The following CLSTN1 variants were observed in gnomAD, a reference collection of about 807,000 sequenced individuals.
CLSTN1 encodes calsyntenin-1.
CLSTN1 carries 28 observed loss-of-function variants against 108.3 expected under a neutral mutation model. The observed-to-expected ratio is 0.26, with a 90% confidence interval of 0.19 to 0.35. The LOEUF is 0.35. CLSTN1 is among the 10% of genes least tolerant of loss of function. The pLI is 1.00. For synonymous variants in CLSTN1, 524 were observed against 534.9 expected (o/e 0.98, Z 0.28); for missense variants, 1,157 against 1,302.6 (o/e 0.89, Z 1.72).
rs562537023 is a variant in CLSTN1, at chr1:9,776,639, G to A, written c.92-3245C>T. Among the ~76,000 whole-genome samples the A allele has an allele frequency of 3.3e-5, 5 of 152,178 alleles. No homozygotes were observed. In the South Asian group the frequency reaches 1.0e-3, roughly 32 times the overall value. ...CCTGTCCTTATCCCGGCACTTACTC[G>A]GCAGCCAGAGGGAAGCTTCTACAAC... On this transcript the variant is annotated intron_variant, in intron 1 of 18. Coordinates refer to ENST00000377298, the MANE Select transcript of CLSTN1 (RefSeq NM_001009566.3).
chr1:9,820,163 C>T (rs967240496), intron 1 of CLSTN1, among the ~76,000 whole-genome samples: 3 of 151,974 alleles, frequency 2.0e-5, no homozygotes, highest in Non-Finnish European at 4.4e-5. Flanking sequence ...GGTGAGCCAC[C>T]GAGGCTGGCC....
intron 2 of CLSTN1, among the ~76,000 whole-genome samples, chr1:9,758,010 G>T (rs547004873): frequency 2.0e-5 from 3 of 151,922 alleles, no homozygotes; most frequent in East Asian, 3.9e-4. Context: ...GTTTTGGGGG[G>T]GGGTGGGAAC....
At chr1:9,749,036 T>C (rs966161745) in intron 7 of CLSTN1, among the ~76,000 whole-genome samples, 1 of 152,008 alleles carries the variant, frequency 6.6e-6, no homozygotes, top group African/African-American at 2.4e-5. Context: ...CCCAAGTAAC[T>C]GGAACTACAG....
chr1:9,774,051 T>C (rs997185514), intron 1 of CLSTN1, among the ~76,000 whole-genome samples: 1 of 151,702 alleles, frequency 6.6e-6, no homozygotes, highest in Non-Finnish European at 1.5e-5. Flanking sequence ...CCCAGTATTA[T>C]TATTATTTTT....
At position 9,735,989 on chromosome 1, in the gene CLSTN1, G is replaced by A. The variant is rs1210563815; in HGVS notation, c.1630C>T (p.Leu544Phe). The A allele has an allele frequency of 1.2e-6, 2 of 1,614,218 alleles. No individual in the cohort carries two copies. Among genetic ancestry groups the A allele is most frequent in the Non-Finnish European group, 1.7e-6 (2 of 1,180,046 alleles). Reference protein sequence around the residue: ...FFRGNLAGLTLRSGKLADKKV... With the variant: ...FFRGNLAGLTFRSGKLADKKV... ...TTATCCGCGAGTTTCCCGGAACGGA[G>A]AGTTAAGCCAGCCAGATTGCCTCGG... Residue 544 changes from leucine (L) to phenylalanine (F), a missense_variant, in exon 12 of 19, where the codon CTC becomes TTC. Transcript: ENST00000377298.
chr1:9,795,924 C>G (rs916787393), intron 1 of CLSTN1, among the ~76,000 whole-genome samples: 1 of 148,498 alleles, frequency 6.7e-6, no homozygotes, highest in Non-Finnish European at 1.5e-5. Context: ...TACTGCACTC[C>G]AGCGTGAGCA....
chr1:9,752,878 A>C (rs961468558), intron 4 of CLSTN1, among the ~76,000 whole-genome samples: 1 of 152,118 alleles, frequency 6.6e-6, no homozygotes, highest in African/African-American at 2.4e-5. Flanking sequence ...TAAGTAAATA[A>C]ATAAATAAAT....
intron 2 of CLSTN1, among the ~76,000 whole-genome samples, chr1:9,758,565 C>G (rs771312773): frequency 4.7e-4 from 71 of 152,160 alleles, no homozygotes; most frequent in Non-Finnish European, 7.2e-4. Flanking sequence ...CCGCCCGCCT[C>G]CGCCTCCCAA....
At position 9,756,549 on chromosome 1, in the gene CLSTN1, G is replaced by GA. The variant is rs747036585; in HGVS notation, c.215-40dup. On this transcript the variant is annotated intron_variant, in intron 2 of 18. Transcript: ENST00000377298. The stretch of plus-strand genomic sequence containing the variant: ...AGATAAGCCCATGTCAGTAATACAG[G>GA]AAAGAATGAAGATGGAATACACTAA... The GA allele has an allele frequency of 4.4e-5, 69 of 1,585,066 alleles. No homozygotes were observed. In the Admixed American group the frequency reaches 1.1e-3, roughly 26 times the overall value.
At chr1:9,749,741 G>A (rs766039309) in intron 6 of CLSTN1, 23 bp downstream of exon 6, 35 of 1,613,250 alleles carry the variant, frequency 2.2e-5, no homozygotes, top group South Asian at 8.8e-5. Flanking sequence ...AGATGTGAGC[G>A]CAGGGGAGAG....
intron 10 of CLSTN1, among the ~76,000 whole-genome samples, chr1:9,739,912 G>A (rs1344177425): frequency 6.6e-6 from 1 of 151,284 alleles, no homozygotes; most frequent in Non-Finnish European, 1.5e-5. Context: ...CGCCTCCTGG[G>A]TTCACGCCAT....
Position 9,823,149 on chromosome 1 carries a change from G to A in CLSTN1, c.91+494C>T, listed in dbSNP as rs1034870217. On this transcript the variant is annotated intron_variant, in intron 1 of 18. Transcript: ENST00000377298. The surrounding 1 kb of genome is among the most constrained non-coding windows in gnomAD (Gnocchi z 6.3). ...TTGGAAACGGGATGCGGAGGAGTGG[G>A]CTCTTATGTAAGCACACACCAAAAC... Among the ~76,000 whole-genome samples the A allele has an allele frequency of 6.6e-6, 1 of 152,160 alleles. No homozygotes were observed. The highest frequency in any genetic ancestry group is 2.4e-5 in the African/African-American group (1 of 41,434).
chr1:9,783,987 C>G (rs904664514), intron 1 of CLSTN1, among the ~76,000 whole-genome samples: 2 of 151,370 alleles, frequency 1.3e-5, no homozygotes, highest in Non-Finnish European at 2.9e-5. Flanking sequence ...GAGTGAAACT[C>G]CATCTCAAAA....
At chr1:9,804,802 A>G (rs1408378420) in intron 1 of CLSTN1, among the ~76,000 whole-genome samples, 2 of 152,156 alleles carry the variant, frequency 1.3e-5, no homozygotes, top group African/African-American at 2.4e-5. Context: ...ACTGCATTAC[A>G]GCCTGGGCGA....
chr1:9,730,474 C>A lies in CLSTN1; in HGVS notation c.*34G>T. On this transcript the variant is annotated 3_prime_UTR_variant, in exon 19 of 19. Coordinates refer to ENST00000377298, the MANE Select transcript of CLSTN1 (RefSeq NM_001009566.3). This position sits in a 1 kb window ranked among gnomAD's most constrained non-coding sequence, Gnocchi z 5.6. Reference sequence around the variant, plus strand: ...GGAGAACGGATGGCAGCAGAGTCTTCGAAAGCAGAAACCGAGGTGGCCGGG... The same window carrying A: ...GGAGAACGGATGGCAGCAGAGTCTTAGAAAGCAGAAACCGAGGTGGCCGGG... 1 of 1,586,326 alleles carries A rather than the reference C, an allele frequency of 6.3e-7. No individual in the cohort carries two copies. The highest frequency in any genetic ancestry group is 8.6e-7 in the Non-Finnish European group (1 of 1,168,590).
intron 1 of CLSTN1, among the ~76,000 whole-genome samples, chr1:9,788,496 A>C (rs920303195): frequency 1.3e-5 from 2 of 150,946 alleles, no homozygotes; most frequent in African/African-American, 4.8e-5. Flanking sequence ...TGAACCCAGG[A>C]GGCGGAGGTT....
chr1:9,799,016 A>G (rs1654135441), intron 1 of CLSTN1, among the ~76,000 whole-genome samples: 1 of 151,936 alleles, frequency 6.6e-6, no homozygotes, highest in Non-Finnish European at 1.5e-5. Context: ...CTCATCTCTT[A>G]CTAAATCAAA....
At chr1:9,784,480 C>T (rs1653392768) in intron 1 of CLSTN1, among the ~76,000 whole-genome samples, 1 of 152,192 alleles carries the variant, frequency 6.6e-6, no homozygotes, top group African/African-American at 2.4e-5. Context: ...TGCAGTCCAG[C>T]CTCAGGGAGA....
chr1:9,785,108 G>C (rs528897269), intron 1 of CLSTN1, among the ~76,000 whole-genome samples: 1 of 151,858 alleles, frequency 6.6e-6, no homozygotes, highest in South Asian at 2.1e-4. Flanking sequence ...GAGGAGAGGG[G>C]TTTTCACCAT....
Sources: gnomAD v4.1 joint callset for allele counts (sites outside exome capture counted in the v4.1 genomes callset) on GRCh38, gnomAD v4.1.1 for gene constraint, Gnocchi (gnomAD v3.1) non-coding constraint, MANE v1.5 for transcripts, NCBI Gene and HGNC (gene_info 2026-07-23, HGNC 2026-07-21) for gene names.